MLLT3: variants seen among roughly 807,000 people sequenced by gnomAD.
The protein encoded by MLLT3 is protein AF-9.
MLLT3 carries 4 observed loss-of-function variants against 53.2 expected under a neutral mutation model. That is an observed-to-expected ratio of 0.08 (90% confidence interval 0.04 to 0.17). The LOEUF (loss-of-function observed/expected upper bound fraction) is 0.17. Ranked by LOEUF, MLLT3 falls within the 10% of genes least tolerant of loss-of-function variation. The pLI is 1.00. For synonymous variants in MLLT3, 283 were observed against 230.6 expected (o/e 1.23, Z -2.06); for missense variants, 569 against 684.0 (o/e 0.83, Z 1.87).
At chr9:20,512,713 T>G (rs1563794982) in intron 2 of MLLT3, among the ~76,000 whole-genome samples, 1 of 152,178 alleles carries the variant, frequency 6.6e-6, no homozygotes, top group Non-Finnish European at 1.5e-5. Context: ...TCAAGAAACT[T>G]TGTTCCCAGA....
Position 20,382,444 on chromosome 9 carries a change from C to G in MLLT3, c.1126-16700G>C, listed in dbSNP as rs549303887. On this transcript the variant is annotated intron_variant, in intron 5 of 10. Transcript: ENST00000380338. ...GAAGTGCCCCTAAGTTCATGTGTGT[C>G]AGCAAGGAATGGAGAGCTGTTAAGA... 2.0e-5 allele frequency: 3 copies of G among 151,952 alleles called. No homozygotes were observed. In the East Asian group the frequency reaches 5.8e-4, roughly 29 times the overall value. 9.4% of individuals were successfully genotyped at this position (151,952 alleles called of 1,614,324 possible). A position where few individuals can be genotyped will look rare whatever the true frequency, so the allele number is the denominator to read the frequency against.
At chr9:20,384,207 C>A (rs775281423) in intron 5 of MLLT3, among the ~76,000 whole-genome samples, 13 of 151,950 alleles carry the variant, frequency 8.6e-5, no homozygotes, top group Non-Finnish European at 1.3e-4. Context: ...ATGCTGATTG[C>A]TTAATGGCAG....
chr9:20,404,861 C>A (rs1822541781), intron 5 of MLLT3, among the ~76,000 whole-genome samples: 1 of 151,948 alleles, frequency 6.6e-6, no homozygotes, highest in African/African-American at 2.4e-5. Flanking sequence ...CTGGACCACT[C>A]CTCCTGAGCC....
chr9:20,609,314 T>C lies in MLLT3; in HGVS notation c.193+11340A>G, dbSNP rs543961779. Among the ~76,000 whole-genome samples the C allele has an allele frequency of 2.6e-5, 4 of 152,242 alleles. No homozygotes were observed. In the East Asian group the frequency reaches 7.7e-4, roughly 29 times the overall value. On this transcript the variant is annotated intron_variant, in intron 2 of 10. Coordinates refer to ENST00000380338, the MANE Select transcript of MLLT3 (RefSeq NM_004529.4). The stretch of plus-strand genomic sequence containing the variant: ...CAACTTCAATTCAGCATTTGAATTA[T>C]TAAATAGAAAACCCTATTTATTCTT...
chr9:20,408,271 G>GT (rs373926365), intron 5 of MLLT3, among the ~76,000 whole-genome samples: 7,653 of 144,476 alleles, frequency 0.053, 645 homozygotes, highest in African/African-American at 0.18. Context: ...GCCTCCAACT[G>GT]TTTTTTTTTT....
Position 20,387,248 on chromosome 9 carries a change from C to G in MLLT3, c.1126-21504G>C, listed in dbSNP as rs144640051. 3.3e-3 allele frequency among the ~76,000 whole-genome samples: 500 copies of G among 152,300 alleles called. 4 individuals carry two copies. The highest frequency in any genetic ancestry group is 6.1e-3 in the Admixed American group (94 of 15,294). On this transcript the variant is annotated intron_variant, in intron 5 of 10. Coordinates refer to ENST00000380338, the MANE Select transcript of MLLT3 (RefSeq NM_004529.4). ...GACAGTATGTAAACAAGTGGCATGG[C>G]TGTGTTCAATAAAACTTTATTTACA...
rs1490451762 is a variant in MLLT3 at position 20,365,758 on chromosome 9, T to C, written c.1126-14A>G. 1 of 1,613,892 alleles carries C rather than the reference T, an allele frequency of 6.2e-7. No homozygotes were observed. The highest frequency in any genetic ancestry group is 1.1e-5 in the South Asian group (1 of 91,052). On this transcript the variant is annotated splice_polypyrimidine_tract_variant and intron_variant, in intron 5 of 10. Transcript: ENST00000380338. ...GGGTTGTTCAGACTTTAAAGAAGAA[T>C]AAAAAGGCACCATCAATAAATTTAC...
intron 2 of MLLT3, among the ~76,000 whole-genome samples, chr9:20,613,105 T>C (rs1211762500): frequency 6.6e-6 from 1 of 150,648 alleles, no homozygotes; most frequent in Admixed American, 6.7e-5. Context: ...GAGAATGACG[T>C]GGCTCTTTAT....
intron 5 of MLLT3, among the ~76,000 whole-genome samples, chr9:20,374,546 T>A (rs1821703542): frequency 6.6e-6 from 1 of 152,292 alleles, no homozygotes; most frequent in Middle Eastern, 3.4e-3. Context: ...TGAAAAGTGA[T>A]AAAACAATAT....
intron 2 of MLLT3, chr9:20,502,375 G>A (rs1194079861): frequency 6.5e-6 from 1 of 153,192 alleles, no homozygotes; most frequent in Non-Finnish European, 1.5e-5. Context: ...ACATAGCACT[G>A]TAAGGAGCTG....
At chr9:20,561,255 CTA>C (rs879536241) in intron 2 of MLLT3, among the ~76,000 whole-genome samples, 1 of 151,978 alleles carries the variant, frequency 6.6e-6, no homozygotes, top group Non-Finnish European at 1.5e-5. Context: ...GGACAGAGCA[CTA>C]TATATATAGA....
intron 2 of MLLT3, among the ~76,000 whole-genome samples, chr9:20,526,355 T>G (rs893171222): frequency 6.6e-6 from 1 of 152,176 alleles, no homozygotes; most frequent in Non-Finnish European, 1.5e-5. Flanking sequence ...CTAACATTAC[T>G]ACACCCCACA....
At chr9:20,531,784 T>C (rs1818344053) in intron 2 of MLLT3, among the ~76,000 whole-genome samples, 1 of 152,150 alleles carries the variant, frequency 6.6e-6, no homozygotes, top group Non-Finnish European at 1.5e-5. Flanking sequence ...TTTTTTCATC[T>C]CTGAGGGAAA....
chr9:20,504,229 A>AT (rs1170434413), intron 2 of MLLT3, among the ~76,000 whole-genome samples: 1 of 152,192 alleles, frequency 6.6e-6, no homozygotes, highest in African/African-American at 2.4e-5. Flanking sequence ...TTTCAAAAAG[A>AT]TATCTGTACT....
intron 2 of MLLT3, among the ~76,000 whole-genome samples, chr9:20,588,875 C>T (rs1194340039): frequency 6.6e-6 from 1 of 151,778 alleles, no homozygotes; most frequent in Non-Finnish European, 1.5e-5. Context: ...CAAATCAAAA[C>T]CACAATGAGA....
intron 2 of MLLT3, among the ~76,000 whole-genome samples, chr9:20,582,636 C>G (rs4422848): frequency 0.8 from 122,143 of 152,118 alleles, 49,210 homozygotes; most frequent in Middle Eastern, 0.89. Context: ...CATATGGCTG[C>G]GGAGGCCTCA....
chr9:20,359,349 A>G (rs1821260173), intron 8 of MLLT3, among the ~76,000 whole-genome samples: 1 of 152,160 alleles, frequency 6.6e-6, no homozygotes, highest in Non-Finnish European at 1.5e-5. Context: ...GGTGGCAGGC[A>G]TCCACACCAG....
chr9:20,497,739 A>T (rs918667498), intron 2 of MLLT3, among the ~76,000 whole-genome samples: 1 of 152,094 alleles, frequency 6.6e-6, no homozygotes, highest in African/African-American at 2.4e-5. Context: ...GTTTGGGCCA[A>T]TTACAAAAAA....
intron 4 of MLLT3, among the ~76,000 whole-genome samples, chr9:20,425,026 C>G (rs1823108576): frequency 6.6e-6 from 1 of 152,102 alleles, no homozygotes; most frequent in African/African-American, 2.4e-5. Flanking sequence ...CATTTTATTA[C>G]ATAGCACAAT....
Sources: gnomAD v4.1 joint callset for allele counts (sites outside exome capture counted in the v4.1 genomes callset) on GRCh38, gnomAD v4.1.1 for gene constraint, MANE v1.5 for transcripts, NCBI Gene and HGNC (gene_info 2026-07-23, HGNC 2026-07-21) for gene names.